DMD: variants seen among roughly 807,000 people sequenced by gnomAD.
DMD encodes the protein mutant dystrophin.
A neutral mutation model predicts 330.1 loss-of-function variants in DMD; 63 were observed. The ratio of observed to expected loss-of-function variants is 0.19; its 90% confidence interval spans 0.16 to 0.24. DMD has a LOEUF of 0.24. Ranked by LOEUF, DMD falls within the 10% of genes least tolerant of loss-of-function variation. DMD has a pLI of 1.00. For synonymous variants in DMD, 1,223 were observed against 959.8 expected (o/e 1.27, Z -5.07); for missense variants, 3,344 against 2,684.1 (o/e 1.25, Z -5.43).
chrX:31,586,606 G>T (rs1217445664), intron 55 of DMD, among the ~76,000 whole-genome samples: 1 of 112,485 alleles, frequency 8.9e-6, no homozygotes, highest in Admixed American at 9.4e-5. Flanking sequence ...CTTGATAGCA[G>T]AATAGCTTTG....
intron 7 of DMD, among the ~76,000 whole-genome samples, chrX:32,752,924 C>T (rs930085980): frequency 5.4e-5 from 6 of 110,931 alleles, no homozygotes; most frequent in Admixed American, 3.8e-4. Flanking sequence ...GATTGTGAGG[C>T]TTCCCCATCC....
At chrX:31,491,854 T>C (rs1352667485) in intron 57 of DMD, among the ~76,000 whole-genome samples, 1 of 112,496 alleles carries the variant, frequency 8.9e-6, no homozygotes. Flanking sequence ...ATATTATCAC[T>C]AATCTGAAAT....
At chrX:32,770,059 C>T (rs1310578847) in intron 7 of DMD, among the ~76,000 whole-genome samples, 3 of 111,446 alleles carry the variant, frequency 2.7e-5, no homozygotes, top group Non-Finnish European at 5.7e-5. Context: ...AACATGTATT[C>T]CCAAGGTTGG....
chrX:31,775,384 C>T (rs2090594604), intron 50 of DMD, among the ~76,000 whole-genome samples: 1 of 110,950 alleles, frequency 9.0e-6, no homozygotes, highest in Admixed American at 9.6e-5. Flanking sequence ...ATGTGAAATA[C>T]TTGGGGAGTA....
chrX:31,292,945 G>A (rs775588714), intron 62 of DMD, among the ~76,000 whole-genome samples: 6 of 111,025 alleles, frequency 5.4e-5, no homozygotes, highest in Non-Finnish European at 1.1e-4. Flanking sequence ...CCTTTAAGAT[G>A]AGGGAGGAAT....
intron 6 of DMD, among the ~76,000 whole-genome samples, chrX:32,815,532 C>CAT (rs1557051884): frequency 8.3e-5 from 8 of 96,472 alleles, no homozygotes; most frequent in African/African-American, 3.1e-4. Flanking sequence ...CACACACACA[C>CAT]ACACATATAT....
chrX:32,425,859 C>T (rs1422427943), intron 29 of DMD, among the ~76,000 whole-genome samples: 17 of 111,286 alleles, frequency 1.5e-4, no homozygotes, highest in African/African-American at 4.2e-4. Flanking sequence ...TTCTGATCTT[C>T]GACAAAGCCG....
At chrX:31,351,746 C>CAAAAAAAAAAAAAAAAAA (rs1300313892) in intron 60 of DMD, among the ~76,000 whole-genome samples, 2 of 71,541 alleles carry the variant, frequency 2.8e-5, no homozygotes, top group African/African-American at 1.1e-4. Flanking sequence ...AAAAAAAAAG[C>CAAAAAAAAAAAAAAAAAA]AAAAAAGGAG....
At chrX:32,448,718 C>T in intron 26 of DMD, 80 bp from the exon 27 acceptor site, 2 of 908,187 alleles carry the variant, frequency 2.2e-6, no homozygotes, top group Non-Finnish European at 3.0e-6. Context: ...CATATAATTT[C>T]TTTCTCACAA....
intron 44 of DMD, chrX:32,155,294 C>T (rs1042546065): frequency 3.3e-5 from 16 of 479,279 alleles, no homozygotes; most frequent in Non-Finnish European, 3.9e-5. Context: ...AGCTGCCAGA[C>T]CCACAGAAGA....
intron 41 of DMD, among the ~76,000 whole-genome samples, chrX:32,312,077 C>G (rs1177737305): frequency 9.0e-6 from 1 of 111,372 alleles, no homozygotes; most frequent in African/African-American, 3.3e-5. Flanking sequence ...CATTTTACAC[C>G]TGTAAGTTTT....
At chrX:31,831,383 A>G (rs1032723380) in intron 49 of DMD, among the ~76,000 whole-genome samples, 1 of 112,148 alleles carries the variant, frequency 8.9e-6, no homozygotes, top group African/African-American at 3.2e-5. Context: ...AAATATGGAA[A>G]TGCTACTCAA....
chrX:32,621,383 G>A (rs1230968213), intron 11 of DMD, among the ~76,000 whole-genome samples: 1 of 111,033 alleles, frequency 9.0e-6, no homozygotes, highest in Non-Finnish European at 1.9e-5. Context: ...TCTGAAATTT[G>A]AACACCCAGT....
chrX:31,145,340 T>C (rs1465215349), intron 76 of DMD, among the ~76,000 whole-genome samples: 2 of 111,589 alleles, frequency 1.8e-5, no homozygotes, highest in Non-Finnish European at 3.8e-5. Flanking sequence ...TATCCATCCT[T>C]TACTATCCCA....
intron 2 of DMD, among the ~76,000 whole-genome samples, chrX:32,889,696 G>A (rs1178886049): frequency 9.0e-6 from 1 of 110,900 alleles, no homozygotes; most frequent in South Asian, 3.9e-4. Context: ...TACTTTGTGA[G>A]ATCCACCCCC....
At position 32,159,681 on chromosome X, in the gene DMD, C is replaced by G. The variant is rs773878961; in HGVS notation, c.6438+57235G>C. Among the ~76,000 whole-genome samples the G allele has an allele frequency of 3.6e-5, 4 of 111,952 alleles. No homozygotes were observed. In the South Asian group the frequency reaches 1.5e-3, roughly 42 times the overall value. ...AATTAGGGAAAATTCAGCATCCAGA[C>G]AGACAATGTAAGATCACGGTATTTT... is the stretch of plus-strand genomic sequence containing the variant. On this transcript the variant is annotated intron_variant, in intron 44 of 78. Transcript: ENST00000357033.
intron 7 of DMD, among the ~76,000 whole-genome samples, chrX:32,745,701 C>G (rs1438415018): frequency 8.9e-6 from 1 of 111,870 alleles, no homozygotes; most frequent in Non-Finnish European, 1.9e-5. Flanking sequence ...CTTTTTTATT[C>G]TTAATAAAAG....
At chrX:31,511,312 T>TTTTATTTATTTATTTATTTA (rs763976919) in intron 55 of DMD, among the ~76,000 whole-genome samples, 1 of 100,099 alleles carries the variant, frequency 1.0e-5, no homozygotes. Context: ...ACTCATCATT[T>TTTTATTTATTTATTTATTTA]TTTATTTATT....
intron 77 of DMD, 135 bp from the exon 78 acceptor site, chrX:31,126,808 A>T: frequency 1.1e-5 from 4 of 366,071 alleles, no homozygotes; most frequent in Non-Finnish European, 1.9e-5. Context: ...TGCTGGAAAA[A>T]AAAAAAAAAA....
Sources: allele counts gnomAD v4.1 joint callset (sites outside exome capture counted in the v4.1 genomes callset), GRCh38; gene constraint gnomAD v4.1.1; transcripts MANE v1.5; gene names NCBI Gene and HGNC (gene_info 2026-07-23, HGNC 2026-07-21).